ANKRD18A: variants seen among roughly 807,000 people sequenced by gnomAD.
ANKRD18A encodes ankyrin repeat domain 18A.
In ANKRD18A, 72 loss-of-function variants were observed where a neutral mutation model predicts 110.6. The observed-to-expected ratio is 0.65, with a 90% confidence interval of 0.54 to 0.79. The LOEUF (loss-of-function observed/expected upper bound fraction) is 0.79. Among genes scored for constraint, ANKRD18A ranks in the 30% least tolerant of loss-of-function variants. The probability of loss-of-function intolerance (pLI) is 0.00; values close to 1 mark genes in which losing one functional copy is unlikely to be tolerated. For synonymous variants in ANKRD18A, 305 were observed against 410.3 expected, an observed-to-expected ratio of 0.74 and a Z score of 3.10; for missense variants, 934 against 1,163.3, an observed-to-expected ratio of 0.80 and a Z score of 2.87.
At chr9:38,592,072 G>A (rs1824674925) in intron 10 of ANKRD18A, among the ~76,000 whole-genome samples, 1 of 152,118 alleles carries the variant, frequency 6.6e-6, no homozygotes, top group South Asian at 2.1e-4. Flanking sequence ...GGCAAATTTA[G>A]ATTCTTTTTT....
intron 12 of ANKRD18A, among the ~76,000 whole-genome samples, chr9:38,583,076 A>C (rs555939531): frequency 5.2e-4 from 79 of 152,414 alleles, no homozygotes; most frequent in Middle Eastern, 3.4e-3. Context: ...GCTTAATGTA[A>C]TTAGTCATTA....
In ANKRD18A at chr9:38,611,210, T is replaced by C; in HGVS notation, c.602+5A>G. On this transcript the variant is annotated splice_donor_5th_base_variant and intron_variant, in intron 4 of 15. Transcript: ENST00000399703. The stretch of plus-strand genomic sequence containing the variant: ...AAAGAAAACAAAAAACAAAAACTAT[T>C]GCACCTTTTGAAATTGTCAACGGCA... The C allele has an allele frequency of 6.5e-7, 1 of 1,527,314 alleles. No homozygotes were observed. Among genetic ancestry groups the C allele is most frequent in the Non-Finnish European group, 8.8e-7 (1 of 1,140,038 alleles). 94.6% of individuals were successfully genotyped at this position (1,527,314 alleles called of 1,614,324 possible). A position where few individuals can be genotyped will look rare whatever the true frequency, so the allele number is the denominator to read the frequency against.
chr9:38,574,084 T>G (rs991574190), intron 15 of ANKRD18A, among the ~76,000 whole-genome samples: 1 of 152,162 alleles, frequency 6.6e-6, no homozygotes, highest in African/African-American at 2.4e-5. Context: ...TATTTCCCAG[T>G]GTCTATTGTT....
chr9:38,579,623 T>C (rs1358792128), intron 12 of ANKRD18A, among the ~76,000 whole-genome samples: 3 of 152,178 alleles, frequency 2.0e-5, no homozygotes, highest in Non-Finnish European at 4.4e-5. Flanking sequence ...AAACCTACAA[T>C]GTGATATAAT....
chr9:38,596,879 T>C (rs533833006), intron 8 of ANKRD18A, among the ~76,000 whole-genome samples: 3 of 152,320 alleles, frequency 2.0e-5, no homozygotes, highest in South Asian at 4.1e-4. Flanking sequence ...TCTATTGTGA[T>C]TTGACTCAAC....
At chr9:38,619,238 C>A (rs147679278) in intron 1 of ANKRD18A, among the ~76,000 whole-genome samples, 58 of 152,218 alleles carry the variant, frequency 3.8e-4, no homozygotes, top group East Asian at 3.9e-4. Flanking sequence ...AAATTTCAGT[C>A]TGAATTCCAT....
intron 12 of ANKRD18A, among the ~76,000 whole-genome samples, chr9:38,585,886 C>G (rs949044965): frequency 1.6e-4 from 24 of 152,136 alleles, no homozygotes; most frequent in African/African-American, 5.8e-4. Flanking sequence ...GAGCTGTTAT[C>G]CTCAGCACAC....
intron 3 of ANKRD18A, among the ~76,000 whole-genome samples, chr9:38,614,044 T>C (rs1036413039): frequency 2.6e-5 from 4 of 152,156 alleles, no homozygotes; most frequent in Admixed American, 2.0e-4. Flanking sequence ...GTCACAAATG[T>C]AGAGAAAGAC....
At chr9:38,609,155 T>A (rs1825486222) in intron 5 of ANKRD18A, among the ~76,000 whole-genome samples, 1 of 152,106 alleles carries the variant, frequency 6.6e-6, no homozygotes, top group Non-Finnish European at 1.5e-5. Flanking sequence ...CTGGGAACAA[T>A]GGCTGAGCCT....
chr9:38,596,140 C>G lies in ANKRD18A; in HGVS notation c.1200G>C (p.Arg400Ser), dbSNP rs1189815797. ...QLNDLKAENA[R>S]LNSELEKEKH... Reference sequence around the variant, plus strand: ...TTTCCTTCTCCAATTCTGAATTCAGCCTTGCATTCTCAGCTTTCAGATCAT... The same window carrying G: ...TTTCCTTCTCCAATTCTGAATTCAGGCTTGCATTCTCAGCTTTCAGATCAT... Residue 400 changes from arginine (R) to serine (S), a missense_variant, in exon 9 of 16, where the codon AGG (arginine) becomes AGC (serine). By Grantham distance (110) the Arg-to-Ser change is moderately radical (BLOSUM62 -1). Coordinates refer to ENST00000399703, the MANE Select transcript of ANKRD18A (RefSeq NM_147195.4). The G allele has an allele frequency of 1.9e-6, 3 of 1,549,730 alleles. No individual in the cohort carries two copies. Among genetic ancestry groups the G allele is most frequent in the Non-Finnish European group, 2.6e-6 (3 of 1,146,398 alleles).
chr9:38,576,769 C>G (rs1823912144), intron 14 of ANKRD18A, among the ~76,000 whole-genome samples: 1 of 151,958 alleles, frequency 6.6e-6, no homozygotes, highest in African/African-American at 2.4e-5. Context: ...GATCATAAAG[C>G]TTCAAAAATA....
intron 5 of ANKRD18A, among the ~76,000 whole-genome samples, chr9:38,607,750 G>A (rs921680265): frequency 2.0e-5 from 3 of 152,342 alleles, no homozygotes; most frequent in African/African-American, 7.2e-5. Flanking sequence ...CCTGGAAACT[G>A]TCCTGCATTC....
downstream of ANKRD18A, chr9:38,566,596 G>C (rs1380138305): frequency 1.3e-5 from 2 of 152,068 alleles, no homozygotes; most frequent in Non-Finnish European, 1.5e-5. Flanking sequence ...ACATTTTCAG[G>C]TATCTTTATA....
downstream of ANKRD18A, chr9:38,567,528 C>T (rs1372163035): frequency 2.0e-5 from 3 of 152,702 alleles, no homozygotes; most frequent in African/African-American, 7.2e-5. Context: ...CAAAGAAATC[C>T]TGTTCCTGTG....
At position 38,620,440 on chromosome 9, in the gene ANKRD18A, C is replaced by A. The variant is rs1448313153; in HGVS notation, c.-155G>T. The A allele has an allele frequency of 6.4e-6, 9 of 1,415,638 alleles. No homozygotes were observed. The Admixed American group carries it at 1.9e-4, about 30-fold the overall frequency. The allele number at this position is 1,415,638 out of a possible 1,614,324, so 87.7% of individuals were successfully genotyped here. A position where few individuals can be genotyped will look rare whatever the true frequency, so the allele number is the denominator to read the frequency against. ...CCACCCCCAAATCCAAGATCCACCCCCAAACCCGCAATGTAGCTCAGAATC... is the reference window on the plus strand; with the variant it reads ...CCACCCCCAAATCCAAGATCCACCCACAAACCCGCAATGTAGCTCAGAATC... On this transcript the variant is annotated 5_prime_UTR_variant, in exon 1 of 16. Coordinates refer to ENST00000399703, the MANE Select transcript of ANKRD18A (RefSeq NM_147195.4).
chr9:38,586,755 G>A (rs1160739089), intron 11 of ANKRD18A, among the ~76,000 whole-genome samples: 1 of 151,940 alleles, frequency 6.6e-6, no homozygotes, highest in African/African-American at 2.4e-5. Flanking sequence ...AGTAGAGATG[G>A]GGTTCACCAT....
Position 38,614,753 on chromosome 9 carries a change from G to A in ANKRD18A, c.495+841C>T, listed in dbSNP as rs143723738. On this transcript the variant is annotated intron_variant, in intron 3 of 15. Transcript: ENST00000399703. ...AGGGACAAGTAAACTCAAAATCCCA[G>A]TTGATTTTGCTATTTATAAGCTGCT... Among the ~76,000 whole-genome samples, 963 of 152,236 alleles carry A rather than the reference G, an allele frequency of 6.3e-3. 11 individuals are homozygous for A. The highest frequency in any genetic ancestry group is 0.022 in the African/African-American group (922 of 41,526).
intron 10 of ANKRD18A, among the ~76,000 whole-genome samples, chr9:38,590,235 T>C (rs1201621766): frequency 2.6e-5 from 4 of 151,748 alleles, no homozygotes; most frequent in Non-Finnish European, 5.9e-5. Context: ...CCAGTATATT[T>C]TGTCCATTTT....
rs541177246 is a variant in ANKRD18A, at chr9:38,613,801, G to A, written c.495+1793C>T. Among the ~76,000 whole-genome samples, 5 of 152,270 alleles carry A rather than the reference G, an allele frequency of 3.3e-5. No homozygotes were observed. The South Asian group carries it at 8.3e-4, about 25-fold the overall frequency. ...ACAAAAAGGTTCAAGATTTGCTACC[G>A]ATCTAATTGAGAAAATCTCACTTGT... is the stretch of plus-strand genomic sequence containing the variant. On this transcript the variant is annotated intron_variant, in intron 3 of 15. Transcript: ENST00000399703.
Sources: allele counts gnomAD v4.1 joint callset (sites outside exome capture counted in the v4.1 genomes callset), GRCh38; gene constraint gnomAD v4.1.1; transcripts MANE v1.5; gene names NCBI Gene and HGNC (gene_info 2026-07-23, HGNC 2026-07-21).